Variants in ACLY observed in about 807,000 individuals in gnomAD.
ACLY encodes the protein ATP-citrate synthase.
In ACLY, 41 loss-of-function variants were observed where a neutral mutation model predicts 133.0. That is an observed-to-expected ratio of 0.31 (90% CI 0.24 to 0.40). The LOEUF is 0.40. ACLY is among the 10% of genes least tolerant of loss of function. ACLY has a pLI of 1.00. For synonymous variants in ACLY, 495 were observed against 549.3 expected, an observed-to-expected ratio of 0.90 and a Z score of 1.38; for missense variants, 1,046 against 1,453.8, an observed-to-expected ratio of 0.72 and a Z score of 4.56.
At chr17:41,918,404 G>A (rs976147317) in intron 1 of ACLY, among the ~76,000 whole-genome samples, 1 of 152,234 alleles carries the variant, frequency 6.6e-6, no homozygotes, top group Non-Finnish European at 1.5e-5. Context: ...TTGTACCCAC[G>A]GAACCAAGAA....
intron 28 of ACLY, 90 bp from the exon 29 acceptor site, chr17:41,867,994 A>C: frequency 2.3e-6 from 2 of 885,476 alleles, no homozygotes; most frequent in South Asian, 3.3e-5. Context: ...TCTAACACAC[A>C]AAAAAAGTAG....
intron 20 of ACLY, among the ~76,000 whole-genome samples, chr17:41,879,935 G>A (rs1458097566): frequency 2.6e-5 from 4 of 151,908 alleles, no homozygotes; most frequent in Non-Finnish European, 5.9e-5. Flanking sequence ...TCGCCATGTG[G>A]TCCAGGCTGG....
rs34173466 is a variant in ACLY, at chr17:41,881,416, CAAA to C, written c.2265+1703_2265+1705del. On this transcript the variant is annotated intron_variant, in intron 20 of 28. Transcript: ENST00000352035. Reference sequence around the variant, plus strand: ...CCAGCCTAGGCGAGAGACTCCGTCTCAAAAAAAAAAAAAAAAAAAAAAAAGGAG... The same window carrying C: ...CCAGCCTAGGCGAGAGACTCCGTCTCAAAAAAAAAAAAAAAAAAAAAGGAG... Among the ~76,000 whole-genome samples, 30 of 41,594 alleles carry C rather than the reference CAAA, an allele frequency of 7.2e-4. No individual in the cohort carries two copies. In the South Asian group the frequency reaches 0.016, roughly 22 times the overall value. 27.3% of individuals were successfully genotyped at this position (41,594 alleles called of 152,430 possible). A position where few individuals can be genotyped will look rare whatever the true frequency, so the allele number is the denominator to read the frequency against.
At chr17:41,914,264 T>C (rs1388752741) in intron 1 of ACLY, among the ~76,000 whole-genome samples, 2 of 152,206 alleles carry the variant, frequency 1.3e-5, no homozygotes, top group African/African-American at 2.4e-5. Context: ...AACCGGTGCT[T>C]TGACCCAAAT....
chr17:41,880,295 G>A (rs1165869091), intron 20 of ACLY, among the ~76,000 whole-genome samples: 1 of 152,174 alleles, frequency 6.6e-6, no homozygotes, highest in Non-Finnish European at 1.5e-5. Context: ...CTTGAACCTA[G>A]GCAATCTGGC....
upstream of ACLY, among the ~76,000 whole-genome samples, chr17:41,921,500 A>AG (rs2050182596): frequency 6.6e-6 from 1 of 150,796 alleles, no homozygotes; most frequent in Admixed American, 6.6e-5. Context: ...AAAAAACAAA[A>AG]AAGAAAAAAA....
At chr17:41,895,936 C>T (rs1213511350) in intron 14 of ACLY, among the ~76,000 whole-genome samples, 1 of 152,162 alleles carries the variant, frequency 6.6e-6, no homozygotes, top group Non-Finnish European at 1.5e-5. Context: ...TGGGTGAATG[C>T]GCATGCACAG....
At chr17:41,919,239 A>G (rs1280552193), upstream of ACLY, among the ~76,000 whole-genome samples, 4 of 146,008 alleles carry the variant, frequency 2.7e-5, no homozygotes, top group Non-Finnish European at 6.1e-5. Context: ...TGGGAGGAGA[A>G]CGCGCGGTGC....
chr17:41,930,191 T>C (rs1555636463), intron 1 of ACLY, among the ~76,000 whole-genome samples: 2 of 152,238 alleles, frequency 1.3e-5, no homozygotes, highest in Admixed American at 1.3e-4. Flanking sequence ...GTTCCATTAT[T>C]TTCATATTTA....
At chr17:41,880,159 G>C (rs2048877900) in intron 20 of ACLY, among the ~76,000 whole-genome samples, 1 of 152,186 alleles carries the variant, frequency 6.6e-6, no homozygotes, top group Non-Finnish European at 1.5e-5. Context: ...ACTATGTTCA[G>C]GCACTTTTCT....
chr17:41,920,404 A>G (rs567558515), upstream of ACLY, among the ~76,000 whole-genome samples: 1 of 152,066 alleles, frequency 6.6e-6, no homozygotes, highest in South Asian at 2.1e-4. Context: ...TTCAAGACCA[A>G]CAAGGCAAAA....
chr17:41,904,684 C>A, intron 10 of ACLY, 45 bp downstream of exon 10: 1 of 1,593,310 alleles, frequency 6.3e-7, no homozygotes, highest in South Asian at 1.1e-5. Flanking sequence ...CCTGCTTTCC[C>A]CAAACCACTT....
chr17:41,879,278 G>A (rs2144243215), intron 20 of ACLY, among the ~76,000 whole-genome samples: 1 of 151,858 alleles, frequency 6.6e-6, no homozygotes, highest in Admixed American at 6.6e-5. Context: ...GCTAATTTTT[G>A]TATTTTTAGT....
intron 1 of ACLY, among the ~76,000 whole-genome samples, chr17:41,925,434 C>CA (rs34698648): frequency 0.056 from 6,174 of 110,930 alleles, 176 homozygotes; most frequent in East Asian, 0.12. Context: ...CCTTCTCTAC[C>CA]AAAAAAAAAA....
chr17:41,902,443 A>C (rs1383861715), intron 10 of ACLY, among the ~76,000 whole-genome samples: 1 of 152,178 alleles, frequency 6.6e-6, no homozygotes, highest in African/African-American at 2.4e-5. Flanking sequence ...CAAACTCCTG[A>C]CCTCAGGTGA....
upstream of ACLY, among the ~76,000 whole-genome samples, chr17:41,922,412 G>A (rs868955540): frequency 9.4e-5 from 14 of 148,904 alleles, no homozygotes; most frequent in South Asian, 2.1e-4. Flanking sequence ...AGCCGTGACT[G>A]CACCACTGAA....
intron 11 of ACLY, among the ~76,000 whole-genome samples, chr17:41,899,478 T>C (rs1555631130): frequency 6.6e-6 from 1 of 152,034 alleles, no homozygotes; most frequent in Non-Finnish European, 1.5e-5. Context: ...GCCCTGCTTC[T>C]CCCTCTGCGT....
intron 1 of ACLY, among the ~76,000 whole-genome samples, chr17:41,914,946 T>A (rs745649489): frequency 4.5e-4 from 68 of 152,144 alleles, no homozygotes; most frequent in Non-Finnish European, 9.1e-4. Flanking sequence ...TATAACCCCA[T>A]TTCTTAGATG....
chr17:41,899,180 C>T (rs1555631056), intron 11 of ACLY, among the ~76,000 whole-genome samples: 3 of 151,830 alleles, frequency 2.0e-5, no homozygotes, highest in Admixed American at 2.0e-4. Flanking sequence ...GAGGCTCAGG[C>T]AGGAGGATCC....
Sources: allele counts gnomAD v4.1 joint callset (sites outside exome capture counted in the v4.1 genomes callset), GRCh38; gene constraint gnomAD v4.1.1; transcripts MANE v1.5; gene names NCBI Gene and HGNC (gene_info 2026-07-23, HGNC 2026-07-21).